Variants in ADPRM observed in about 807,000 individuals in gnomAD.
ADPRM encodes manganese-dependent ADP-ribose/CDP-alcohol diphosphatase.
A neutral mutation model predicts 27.2 loss-of-function variants in ADPRM; 17 were observed. The observed-to-expected ratio is 0.63, with a 90% CI of 0.43 to 0.94. The LOEUF is 0.94. ADPRM is among the 40% of genes least tolerant of loss of function. The pLI is 0.00. For synonymous variants in ADPRM, 135 were observed against 145.3 expected, an observed-to-expected ratio of 0.93 and a Z score of 0.51; for missense variants, 337 against 412.8, an observed-to-expected ratio of 0.82 and a Z score of 1.59.
chr17:10,711,176 C>T lies in ADPRM; in HGVS notation c.*32C>T. 6.5e-7 allele frequency: 1 copy of T among 1,539,892 alleles called. No homozygotes were observed. Among genetic ancestry groups the T allele is most frequent in the Non-Finnish European group, 8.8e-7 (1 of 1,134,244 alleles). On this transcript the variant is annotated 3_prime_UTR_variant, in exon 4 of 4. Transcript: ENST00000379774. ...TTATTTTAACTTGATAGAAAATGAG[C>T]TTTGTGTTTGTCCCTCCTAAACAAA...
Position 10,705,276 on chromosome 17 carries a change from G to A in ADPRM, c.350G>A (p.Ser117Asn), listed in dbSNP as rs1567580173. ...TWGNHEFYNFSREYLTHSKLN... is the reference protein window; with the variant it reads ...TWGNHEFYNFNREYLTHSKLN... ...GGAAACCATGAATTCTATAACTTCA[G>A]TAGAGAGTATTTAACACACTCTAAA... Residue 117 changes from serine to asparagine, a missense_variant, in exon 2 of 4, where the codon AGT becomes AAT. Transcript: ENST00000379774. The surrounding 1 kb of genome is among the most constrained non-coding windows in gnomAD (Gnocchi z 5.4). 1 of 1,613,982 alleles carries A rather than the reference G, an allele frequency of 6.2e-7. No homozygotes were observed. Among genetic ancestry groups the A allele is most frequent in the Non-Finnish European group, 8.5e-7 (1 of 1,179,950 alleles).
Position 10,705,068 on chromosome 17 carries a change from A to T in ADPRM, c.142A>T (p.Ser48Cys). ...AACCAGGCGGCGATACTACAGACAT[A>T]GTCTTCTTCACTTACAGGGTGCCAT... ...QGTRRRYYRH[S>C]LLHLQGAIED... Residue 48 changes from serine to cysteine, a missense_variant, in exon 2 of 4, where the codon AGT becomes TGT. By Grantham distance (112) the Ser-to-Cys change is moderately radical (BLOSUM62 -1). Transcript: ENST00000379774. The surrounding 1 kb of genome is among the most constrained non-coding windows in gnomAD (Gnocchi z 5.4). 6.2e-7 allele frequency: 1 copy of T among 1,614,170 alleles called. No individual in the cohort carries two copies. Among genetic ancestry groups the T allele is most frequent in the Non-Finnish European group, 8.5e-7 (1 of 1,180,034 alleles).
chr17:10,705,702 T>A lies in ADPRM; in HGVS notation c.601+175T>A. On this transcript the variant is annotated intron_variant, in intron 2 of 3. Coordinates refer to ENST00000379774, the MANE Select transcript of ADPRM (RefSeq NM_020233.5). This position sits in a 1 kb window ranked among gnomAD's most constrained non-coding sequence, Gnocchi z 5.4. Reference sequence around the variant, plus strand: ...GGTTACAGTTGATTCAAGATTGATTTAACAGATATTTTAAATGCCTATTTT... The same window carrying A: ...GGTTACAGTTGATTCAAGATTGATTAAACAGATATTTTAAATGCCTATTTT... 1 of 1,082,228 alleles carries A rather than the reference T, an allele frequency of 9.2e-7. No individual in the cohort carries two copies. The highest frequency in any genetic ancestry group is 1.3e-6 in the Non-Finnish European group (1 of 782,336). 67.0% of individuals were successfully genotyped at this position (1,082,228 alleles called of 1,614,324 possible). A position where few individuals can be genotyped will look rare whatever the true frequency, so the allele number is the denominator to read the frequency against.
Position 10,705,817 on chromosome 17 carries a change from A to C in ADPRM, c.601+290A>C, listed in dbSNP as rs1458077417. 4.8e-6 allele frequency: 2 copies of C among 414,524 alleles called. No homozygotes were observed. The highest frequency in any genetic ancestry group is 4.0e-5 in the African/African-American group (2 of 49,878). 25.7% of individuals were successfully genotyped at this position (414,524 alleles called of 1,614,324 possible). A position where few individuals can be genotyped will look rare whatever the true frequency, so the allele number is the denominator to read the frequency against. ...TTTGATGGATGGAATGGAGGGAACAAACACAGTACGTGGGCAAGACAGATG... is the reference window on the plus strand; with the variant it reads ...TTTGATGGATGGAATGGAGGGAACACACACAGTACGTGGGCAAGACAGATG... On this transcript the variant is annotated intron_variant, in intron 2 of 3. Coordinates refer to ENST00000379774, the MANE Select transcript of ADPRM (RefSeq NM_020233.5). This position sits in a 1 kb window ranked among gnomAD's most constrained non-coding sequence, Gnocchi z 5.4.
At chr17:10,698,438 C>T (rs2074750143) in intron 1 of ADPRM, 1 of 152,128 alleles carries the variant, frequency 6.6e-6, no homozygotes, top group Non-Finnish European at 1.5e-5. Flanking sequence ...ATTAACCACT[C>T]CCTCCCCGCC....
intron 1 of ADPRM, among the ~76,000 whole-genome samples, chr17:10,701,657 A>C (rs1222938510): frequency 6.6e-6 from 1 of 152,194 alleles, no homozygotes; most frequent in Non-Finnish European, 1.5e-5. Flanking sequence ...CACACATAAA[A>C]GTAGTTAGAA....
rs529955781 is a variant in ADPRM, at chr17:10,705,760, C to T, written c.601+233C>T. On this transcript the variant is annotated intron_variant, in intron 2 of 3. Transcript: ENST00000379774. The surrounding 1 kb of genome is among the most constrained non-coding windows in gnomAD (Gnocchi z 5.4). ...GCACTTTTTCTAGGGGTAGATATTC[C>T]GAGCTGTAAACAATACTAACAATAT... 1.2e-4 allele frequency: 72 copies of T among 587,310 alleles called. 2 individuals carry two copies. Among genetic ancestry groups the T allele is most frequent in the South Asian group, 1.2e-3 (54 of 45,886 alleles). 36.4% of individuals were successfully genotyped at this position (587,310 alleles called of 1,614,324 possible).
At chr17:10,710,502 C>T (rs1198237471) in intron 3 of ADPRM, among the ~76,000 whole-genome samples, 2 of 152,266 alleles carry the variant, frequency 1.3e-5, no homozygotes, top group Admixed American at 1.3e-4. Context: ...CAGTTTCAGG[C>T]TGCCTTTGCA....
At chr17:10,710,647 A>G (rs773292912) in intron 3 of ADPRM, among the ~76,000 whole-genome samples, 187 bp from the exon 4 acceptor site, 9 of 152,150 alleles carry the variant, frequency 5.9e-5, no homozygotes, top group African/African-American at 1.2e-4. Context: ...CCCTTCTTCT[A>G]TGCTCCAGAG....
Position 10,711,024 on chromosome 17 carries a change from TC to T in ADPRM, c.911del (p.Pro304GlnfsTer16), listed in dbSNP as rs1349948909. ...ACCTAGAAGGAGTTATTGAAACAGC[TC>T]CAGACAGCCAAGCCTTTGGCACAGT... is the stretch of plus-strand genomic sequence containing the variant. ...VNLEGVIETAPDSQAFGTVHV... is the reference protein window; with the variant it reads ...VNLEGVIETAXDSQAFGTVHV... On this transcript the variant is annotated frameshift_variant, in exon 4 of 4. Transcript: ENST00000379774. LOFTEE classifies it high-confidence loss of function. 6.2e-7 allele frequency: 1 copy of T among 1,614,088 alleles called. No homozygotes were observed. Among genetic ancestry groups the T allele is most frequent in the South Asian group, 1.1e-5 (1 of 91,086 alleles).
chr17:10,701,052 C>T (rs11869915), intron 1 of ADPRM, among the ~76,000 whole-genome samples: 8,471 of 152,150 alleles, frequency 0.056, 782 homozygotes, highest in African/African-American at 0.19. Flanking sequence ...TTGAAGCTCA[C>T]GATAACCTAT....
rs2074808753 is a variant in ADPRM, at chr17:10,705,765, T to TAACA, written c.601+238_601+239insAACA. ...TTTTCTAGGGGTAGATATTCCGAGC[T>TAACA]GTAAACAATACTAACAATATTACTT... On this transcript the variant is annotated intron_variant, in intron 2 of 3. Coordinates refer to ENST00000379774, the MANE Select transcript of ADPRM (RefSeq NM_020233.5). The surrounding 1 kb of genome is among the most constrained non-coding windows in gnomAD (Gnocchi z 5.4). 1.8e-6 allele frequency: 1 copy of TAACA among 565,698 alleles called. No individual in the cohort carries two copies. Among genetic ancestry groups the TAACA allele is most frequent in the African/African-American group, 1.9e-5 (1 of 53,154 alleles). 35.0% of individuals were successfully genotyped at this position (565,698 alleles called of 1,614,324 possible). A position where few individuals can be genotyped will look rare whatever the true frequency, so the allele number is the denominator to read the frequency against.
At chr17:10,706,962 T>G (rs1472950212) in intron 3 of ADPRM, among the ~76,000 whole-genome samples, 1 of 152,166 alleles carries the variant, frequency 6.6e-6, no homozygotes, top group Non-Finnish European at 1.5e-5. Context: ...TTTGTAAAAC[T>G]TTAGTATAAT....
chr17:10,704,885 G>T, intron 1 of ADPRM, 25 bp from the exon 2 acceptor site: 1 of 1,475,086 alleles, frequency 6.8e-7, no homozygotes. Context: ...TTATAATTTA[G>T]TTATCGTCTT....
chr17:10,705,353 C>A lies in ADPRM; in HGVS notation c.427C>A (p.Pro143Thr), dbSNP rs2074806114. ...GATTGTACATCATCCTGAGACCATG[C>A]CTTCAGAAGATTATTATGCTTATCA... ...DQIVHHPETM[P>T]SEDYYAYHFV... The change falls in exon 2 of 4, where the codon CCT becomes ACT. Residue 143 changes from proline (P) to threonine (T), a missense_variant. By Grantham distance (38) the Pro-to-Thr change is conservative (BLOSUM62 -1). Transcript: ENST00000379774. The surrounding 1 kb of genome is among the most constrained non-coding windows in gnomAD (Gnocchi z 5.4). The A allele has an allele frequency of 6.2e-7, 1 of 1,613,856 alleles. No homozygotes were observed. Among genetic ancestry groups the A allele is most frequent in the African/African-American group, 1.3e-5 (1 of 74,988 alleles).
chr17:10,705,440 G>A lies in ADPRM; in HGVS notation c.514G>A (p.Gly172Ser). 6.2e-7 allele frequency: 1 copy of A among 1,613,952 alleles called. No individual in the cohort carries two copies. The highest frequency in any genetic ancestry group is 8.5e-7 in the Non-Finnish European group (1 of 1,180,014). Residue 172 changes from glycine to serine, a missense_variant, in exon 2 of 4, where the codon GGC becomes AGC. Coordinates refer to ENST00000379774, the MANE Select transcript of ADPRM (RefSeq NM_020233.5). This position sits in a 1 kb window ranked among gnomAD's most constrained non-coding sequence, Gnocchi z 5.4. ...LLDAYDLSVL[G>S]VDQSSPKYEQ... ...TGATGCATATGACTTGAGTGTCTTG[G>A]GCGTGGATCAGTCTTCTCCAAAATA...
At chr17:10,698,960 C>G (rs921303829) in intron 1 of ADPRM, 1 of 152,072 alleles carries the variant, frequency 6.6e-6, no homozygotes. Flanking sequence ...CTCTGATTGC[C>G]CAATTGTAGG....
In ADPRM at chr17:10,710,857, G is replaced by T. The variant is rs199523732; in HGVS notation, c.742G>T (p.Ala248Ser). 2 of 1,613,686 alleles carry T rather than the reference G, an allele frequency of 1.2e-6. No homozygotes were observed. The highest frequency in any genetic ancestry group is 1.3e-5 in the African/African-American group (1 of 74,852). ...AGGCCATCTTCCCATTTACCCGGAC[G>T]CCTCTGACAATGTGTGCCTGGCCTG... ...IVSHLPIYPDASDNVCLAWNY... is the reference protein window; with the variant it reads ...IVSHLPIYPDSSDNVCLAWNY... The change falls in exon 4 of 4, where the codon GCC (alanine) becomes TCC (serine). Residue 248 changes from alanine to serine, a missense_variant. Coordinates refer to ENST00000379774, the MANE Select transcript of ADPRM (RefSeq NM_020233.5).
rs1017658573 is a variant in ADPRM at position 10,702,006 on chromosome 17, A to G, written c.-17-2904A>G. 1.3e-5 allele frequency among the ~76,000 whole-genome samples: 2 copies of G among 152,202 alleles called. No individual in the cohort carries two copies. Among genetic ancestry groups the G allele is most frequent in the South Asian group, 4.1e-4 (2 of 4,830 alleles). ...CCTGAATATGTTTCTGAAATCTGAA[A>G]TGGCCCCAAATCAGAAATTTGAGCA... On this transcript the variant is annotated intron_variant, in intron 1 of 3. Coordinates refer to ENST00000379774, the MANE Select transcript of ADPRM (RefSeq NM_020233.5). This position sits in a 1 kb window ranked among gnomAD's most constrained non-coding sequence, Gnocchi z 4.2.
Sources: gnomAD v4.1 joint callset for allele counts (sites outside exome capture counted in the v4.1 genomes callset) on GRCh38, gnomAD v4.1.1 for gene constraint, Gnocchi (gnomAD v3.1) non-coding constraint, MANE v1.5 for transcripts, NCBI Gene and HGNC (gene_info 2026-07-23, HGNC 2026-07-21) for gene names.